The following BCL11B variants were observed in gnomAD, a reference collection of about 807,000 sequenced individuals.
The protein encoded by BCL11B is BCL11 transcription factor B, also known as B-cell lymphoma/leukemia 11B.
A neutral mutation model predicts 49.9 loss-of-function variants in BCL11B; 8 were observed. That is an observed-to-expected ratio of 0.16 (90% confidence interval 0.09 to 0.29). BCL11B has a LOEUF of 0.29. BCL11B is among the 10% of genes least tolerant of loss of function. The probability of loss-of-function intolerance (pLI) is 1.00; values close to 1 mark genes in which losing one functional copy is unlikely to be tolerated. For missense variants in BCL11B, 1,006 were observed against 1,351.0 expected, an observed-to-expected ratio of 0.74 and a Z score of 4.00; for synonymous variants, 739 against 637.4, an observed-to-expected ratio of 1.16 and a Z score of -2.40.
chr14:99,173,163 C>T lies in BCL11B; in HGVS notation c.*988G>A, dbSNP rs1290282368. On this transcript the variant is annotated 3_prime_UTR_variant, in exon 4 of 4. Transcript: ENST00000357195. ...CGCTAGTTTCTTCCTTTCTGTGTCA[C>T]TGCAGGCCACCCCATCTCCCCAAAA... 2.6e-5 allele frequency: 6 copies of T among 230,588 alleles called. No homozygotes were observed. The Admixed American group carries it at 3.4e-4, about 13-fold the overall frequency. The allele number at this position is 230,588 out of a possible 1,614,324, so 14.3% of individuals were successfully genotyped here. A position where few individuals can be genotyped will look rare whatever the true frequency, so the allele number is the denominator to read the frequency against.
intron 3 of BCL11B, among the ~76,000 whole-genome samples, chr14:99,179,090 AG>A (rs1468938160): frequency 6.6e-6 from 1 of 152,226 alleles, no homozygotes; most frequent in Non-Finnish European, 1.5e-5. Context: ...GCCAAGTCAC[AG>A]GTTTTTCAAC....
At chr14:99,252,987 G>A (rs1195656387) in intron 2 of BCL11B, among the ~76,000 whole-genome samples, 1 of 152,254 alleles carries the variant, frequency 6.6e-6, no homozygotes, top group African/African-American at 2.4e-5. Context: ...TGCCAAGCAG[G>A]GTCCACACTT....
intron 3 of BCL11B, among the ~76,000 whole-genome samples, chr14:99,197,782 A>G (rs1397329607): frequency 6.6e-6 from 1 of 152,204 alleles, no homozygotes; most frequent in Non-Finnish European, 1.5e-5. Flanking sequence ...GAGGCCATCA[A>G]CTGGACAGCT....
chr14:99,206,812 T>C (rs1887545351), intron 3 of BCL11B, among the ~76,000 whole-genome samples: 1 of 152,236 alleles, frequency 6.6e-6, no homozygotes, highest in Admixed American at 6.5e-5. Flanking sequence ...CAGGGTTCAC[T>C]ACTACCCGAG....
chr14:99,193,298 T>C lies in BCL11B; in HGVS notation c.641-17103A>G, dbSNP rs1421596720. ...TCAGAAAGGCCCCGCTAATACACAA[T>C]TAACATGTGATTATAAAAAAAATTA... On this transcript the variant is annotated intron_variant, in intron 3 of 3. Transcript: ENST00000357195. 1.1e-4 allele frequency among the ~76,000 whole-genome samples: 16 copies of C among 152,274 alleles called. 1 individual carries two copies. In the East Asian group the frequency reaches 3.1e-3, roughly 29 times the overall value.
At chr14:99,229,295 C>T (rs1469075448) in intron 3 of BCL11B, among the ~76,000 whole-genome samples, 1 of 152,186 alleles carries the variant, frequency 6.6e-6, no homozygotes, top group Non-Finnish European at 1.5e-5. Context: ...CAATGCAGCA[C>T]ATAGCAGGCC....
chr14:99,237,853 GAAAGAGCC>G lies in BCL11B; in HGVS notation c.428-6304_428-6297del, dbSNP rs142412270. Among the ~76,000 whole-genome samples, 1,334 of 152,266 alleles carry G rather than the reference GAAAGAGCC, an allele frequency of 8.8e-3. 18 individuals carry two copies. The highest frequency in any genetic ancestry group is 0.012 in the Non-Finnish European group (785 of 68,008). On this transcript the variant is annotated intron_variant, in intron 2 of 3. Coordinates refer to ENST00000357195, the MANE Select transcript of BCL11B (RefSeq NM_138576.4). ...GGAGGGTAAGAATTCACATGCAGGT[GAAAGAGCC>G]TGTCCAGCATCCTTCATCAACCATC...
At chr14:99,260,322 A>G (rs1889299419) in intron 1 of BCL11B, among the ~76,000 whole-genome samples, 1 of 152,196 alleles carries the variant, frequency 6.6e-6, no homozygotes, top group African/African-American at 2.4e-5. Flanking sequence ...ACAAATCCAC[A>G]TGGCCAGCTG....
chr14:99,235,807 G>A (rs894445610), intron 2 of BCL11B, among the ~76,000 whole-genome samples: 6 of 151,996 alleles, frequency 3.9e-5, no homozygotes, highest in African/African-American at 1.5e-4. Flanking sequence ...TTTCCAACCA[G>A]AGAAATTTAT....
In BCL11B at chr14:99,175,209, C is replaced by G. The variant is rs1346665156; in HGVS notation, c.1627G>C (p.Glu543Gln). 9.4e-7 allele frequency: 1 copy of G among 1,063,226 alleles called. No individual in the cohort carries two copies. The highest frequency in any genetic ancestry group is 1.2e-6 in the Non-Finnish European group (1 of 831,506). The allele number at this position is 1,063,226 out of a possible 1,614,324, so 65.9% of individuals were successfully genotyped here. A position where few individuals can be genotyped will look rare whatever the true frequency, so the allele number is the denominator to read the frequency against. ...EDEEEEEEEE[E>Q]LLLENESRPE... is the part of the protein sequence containing the mutation. ...CGGCTCTCGTTCTCCAGTAGCAGCTCCTCCTCCTCCTCCTCCTCCTCCTCG... is the reference window on the plus strand; with the variant it reads ...CGGCTCTCGTTCTCCAGTAGCAGCTGCTCCTCCTCCTCCTCCTCCTCCTCG... Residue 543 changes from glutamate (E) to glutamine (Q), a missense_variant, in exon 4 of 4, where the codon GAG becomes CAG. This residue lies in a region of BCL11B where 443 missense variants were observed against 499.7 expected (regional missense o/e 0.89). Transcript: ENST00000357195.
At chr14:99,260,714 T>C (rs1258282611) in intron 1 of BCL11B, among the ~76,000 whole-genome samples, 1 of 152,156 alleles carries the variant, frequency 6.6e-6, no homozygotes, top group Non-Finnish European at 1.5e-5. Context: ...TCTCTGCCTT[T>C]TCACTTTCCT....
At position 99,184,532 on chromosome 14, in the gene BCL11B, C is replaced by T. The variant is rs193286373; in HGVS notation, c.641-8337G>A. ...TCTCATCACAGCTGAGTGAGGGGCC[C>T]CAGGTCACAGGGCTGGTAAGTGGCA... On this transcript the variant is annotated intron_variant, in intron 3 of 3. Transcript: ENST00000357195. The surrounding 1 kb of genome is among the most constrained non-coding windows in gnomAD (Gnocchi z 6.1). 2.2e-4 allele frequency among the ~76,000 whole-genome samples: 33 copies of T among 152,300 alleles called. No homozygotes were observed. The highest frequency in any genetic ancestry group is 3.7e-4 in the Non-Finnish European group (25 of 68,024).
chr14:99,241,365 C>CTCCAA lies in BCL11B; in HGVS notation c.428-9813_428-9809dup. ...ATAGTGTAGCCAGGATCCCAACGAG[C>CTCCAA]TCCAATTCCAGATCGGGGCGAGAAT... is the stretch of plus-strand genomic sequence containing the variant. On this transcript the variant is annotated intron_variant, in intron 2 of 3. Coordinates refer to ENST00000357195, the MANE Select transcript of BCL11B (RefSeq NM_138576.4). This position sits in a 1 kb window ranked among gnomAD's most constrained non-coding sequence, Gnocchi z 4.4. Among the ~76,000 whole-genome samples the CTCCAA allele has an allele frequency of 1.3e-5, 2 of 152,032 alleles. No homozygotes were observed. The highest frequency in any genetic ancestry group is 3.9e-4 in the East Asian group (2 of 5,168).
At position 99,231,669 on chromosome 14, in the gene BCL11B, G is replaced by GCC; in HGVS notation, c.428-113_428-112insGG. The GCC allele has an allele frequency of 8.6e-7, 1 of 1,162,546 alleles. No individual in the cohort carries two copies. The highest frequency in any genetic ancestry group is 1.2e-6 in the Non-Finnish European group (1 of 822,964). The allele number at this position is 1,162,546 out of a possible 1,614,324, so 72.0% of individuals were successfully genotyped here. On this transcript the variant is annotated intron_variant, in intron 2 of 3. Coordinates refer to ENST00000357195, the MANE Select transcript of BCL11B (RefSeq NM_138576.4). The surrounding 1 kb of genome is among the most constrained non-coding windows in gnomAD (Gnocchi z 8.1). ...GCTCTGCTCAGGCCACCCTTCGGGG[G>GCC]TGGGAGGCCCCCGGGGTGCCAGGCC...
At position 99,271,311 on chromosome 14, in the gene BCL11B, C is replaced by T; in HGVS notation, c.-93G>A. On this transcript the variant is annotated 5_prime_UTR_variant, in exon 1 of 4. Transcript: ENST00000357195. ...CGAGCCGCCGCCGCGCCGCTGCCGC[C>T]GCTGCCGCCGCCGCCGCCGCCGCCG... 4.5e-6 allele frequency: 4 copies of T among 895,652 alleles called. No homozygotes were observed. Among genetic ancestry groups the T allele is most frequent in the Non-Finnish European group, 5.8e-6 (4 of 688,340 alleles). 55.5% of individuals were successfully genotyped at this position (895,652 alleles called of 1,614,324 possible). A position where few individuals can be genotyped will look rare whatever the true frequency, so the allele number is the denominator to read the frequency against.
At chr14:99,196,846 C>A (rs1887193097) in intron 3 of BCL11B, among the ~76,000 whole-genome samples, 1 of 152,262 alleles carries the variant, frequency 6.6e-6, no homozygotes, top group Non-Finnish European at 1.5e-5. Context: ...AGCACCTTCA[C>A]ATGAGCACCT....
chr14:99,204,956 T>A (rs1887491659), intron 3 of BCL11B, among the ~76,000 whole-genome samples: 1 of 152,122 alleles, frequency 6.6e-6, no homozygotes, highest in African/African-American at 2.4e-5. Context: ...TTCAGCCCAC[T>A]TCATGTGACA....
chr14:99,224,547 G>C (rs932636253), intron 3 of BCL11B, among the ~76,000 whole-genome samples: 2 of 152,258 alleles, frequency 1.3e-5, no homozygotes, highest in East Asian at 3.9e-4. Flanking sequence ...CTGGGGTGCC[G>C]ATTACCCAAG....
rs1359029879 is a variant in BCL11B at position 99,257,590 on chromosome 14, C to T, written c.308G>A (p.Arg103His). ...CTCGGACACTTTCCTGAGCTCGGAG[C>T]GTGAGGAGGGTGGCGGGCTGTCCTT... ...LDKDSPPPSS[R>H]SELRKVSEPV... Residue 103 changes from arginine to histidine, a missense_variant, in exon 2 of 4, where the codon CGC (arginine) becomes CAC (histidine). Physicochemically the swap from Arg to His is conservative, Grantham distance 29 (BLOSUM62 0). This residue lies in a region of BCL11B where 411 missense variants were observed against 542.2 expected (regional missense o/e 0.76). Coordinates refer to ENST00000357195, the MANE Select transcript of BCL11B (RefSeq NM_138576.4). The surrounding 1 kb of genome is among the most constrained non-coding windows in gnomAD (Gnocchi z 6.2). 7.4e-6 allele frequency: 12 copies of T among 1,614,064 alleles called. No individual in the cohort carries two copies. Among genetic ancestry groups the T allele is most frequent in the East Asian group, 6.7e-5 (3 of 44,856 alleles).
Sources: gnomAD v4.1 joint callset for allele counts (sites outside exome capture counted in the v4.1 genomes callset) on GRCh38, gnomAD v4.1.1 for gene constraint, gnomAD v4.1.1 regional missense constraint, Gnocchi (gnomAD v3.1) non-coding constraint, MANE v1.5 for transcripts, NCBI Gene and HGNC (gene_info 2026-07-23, HGNC 2026-07-21) for gene names.